DNAH1: variants seen among roughly 807,000 people sequenced by gnomAD.
DNAH1 encodes dynein axonemal heavy chain 1, also known as axonemal beta dynein heavy chain 1.
In DNAH1, 327 loss-of-function variants were observed where a neutral mutation model predicts 484.3. The observed-to-expected ratio is 0.68, with a 90% CI of 0.62 to 0.74. The LOEUF (loss-of-function observed/expected upper bound fraction) is 0.74. Ranked by LOEUF, DNAH1 falls within the 30% of genes least tolerant of loss-of-function variation. DNAH1 has a pLI of 0.00. For missense variants in DNAH1, 5,052 were observed against 5,546.8 expected, an observed-to-expected ratio of 0.91 and a Z score of 2.83; for synonymous variants, 2,192 against 2,191.9, an observed-to-expected ratio of 1.00 and a Z score of 0.00.
At position 52,381,169 on chromosome 3, in the gene DNAH1, TG is replaced by T. The variant is rs1416954304; in HGVS notation, c.7609-469del. Among the ~76,000 whole-genome samples the T allele has an allele frequency of 3.3e-5, 5 of 152,184 alleles. No homozygotes were observed. The highest frequency in any genetic ancestry group is 5.9e-5 in the Non-Finnish European group (4 of 68,018). ...AGGCTGGAGGGCAGTGGCATGAACT[TG>T]GCTTACTGCAGCCTCTACCTCATGG... On this transcript the variant is annotated intron_variant, in intron 48 of 77. Coordinates refer to ENST00000420323, the MANE Select transcript of DNAH1 (RefSeq NM_015512.5). This position sits in a 1 kb window ranked among gnomAD's most constrained non-coding sequence, Gnocchi z 4.1.
In DNAH1 at chr3:52,354,890, A is replaced by T. The variant is rs1578129735; in HGVS notation, c.3528A>T (p.Val1176=). ...AGTGGTCGACCATCCTGTTCAATGT[A>T]CTGCCCTACAAGGCGACAGACACCT... is the stretch of plus-strand genomic sequence containing the variant. ...EKEWSTILFN[V]LPYKATDTYI... Residue 1176 remains valine (V), a synonymous_variant, in exon 21 of 78, where the codon GTA becomes GTT. Coordinates refer to ENST00000420323, the MANE Select transcript of DNAH1 (RefSeq NM_015512.5). 1.2e-6 allele frequency: 2 copies of T among 1,613,932 alleles called. No individual in the cohort carries two copies. The highest frequency in any genetic ancestry group is 4.5e-5 in the East Asian group (2 of 44,876).
chr3:52,337,591 A>G (rs1701781236), intron 8 of DNAH1, among the ~76,000 whole-genome samples: 1 of 152,178 alleles, frequency 6.6e-6, no homozygotes, highest in African/African-American at 2.4e-5. Context: ...ATTGCTTCAT[A>G]TTATAATCAT....
chr3:52,349,447 T>A, intron 14 of DNAH1, 27 bp downstream of exon 14: 1 of 1,599,476 alleles, frequency 6.3e-7, no homozygotes, highest in South Asian at 1.1e-5. Context: ...CCCGCCTCAG[T>A]GACCACAGCA....
chr3:52,369,886 G>T lies in DNAH1; in HGVS notation c.6005G>T (p.Arg2002Leu). 1 of 1,613,954 alleles carries T rather than the reference G, an allele frequency of 6.2e-7. No homozygotes were observed. Among genetic ancestry groups the T allele is most frequent in the African/African-American group, 1.3e-5 (1 of 75,060 alleles). Residue 2002 changes from arginine (R) to leucine (L), a missense_variant, in exon 38 of 78, where the codon CGC becomes CTC. Around this residue, in one of 4 missense-constraint regions of DNAH1, gnomAD observed 2,929 missense variants for 3,409.4 expected, o/e 0.86. Transcript: ENST00000420323. The part of the protein sequence containing the change: ...LAVASPATVS[R>L]CGMVYLEPSI... ...GTGGCTTCACCAGCTACAGTCTCCC[G>T]CTGTGGCATGGTGTACCTGGAGCCC...
At position 52,384,048 on chromosome 3, in the gene DNAH1, A is replaced by G; in HGVS notation, c.8322+17A>G. 3 of 1,583,164 alleles carry G rather than the reference A, an allele frequency of 1.9e-6. No homozygotes were observed. The highest frequency in any genetic ancestry group is 2.6e-6 in the Non-Finnish European group (3 of 1,162,540). On this transcript the variant is annotated intron_variant, in intron 52 of 77. Transcript: ENST00000420323. ...CAAGGACTGGTGGGTGTCTTGCTGA[A>G]GCTCAGGCCCTTGGGGAGACCTGTT...
intron 1 of DNAH1, among the ~76,000 whole-genome samples, chr3:52,320,800 CTTTTT>C (rs556409465): frequency 1.6e-5 from 2 of 125,062 alleles, no homozygotes; most frequent in African/African-American, 3.3e-5. Flanking sequence ...TCTTTCTTTC[CTTTTT>C]TTTTTTTTTT....
Position 52,395,273 on chromosome 3 carries a change from C to G in DNAH1, c.10969-35C>G, listed in dbSNP as rs1409389894. 6.2e-7 allele frequency: 1 copy of G among 1,605,126 alleles called. No individual in the cohort carries two copies. Among genetic ancestry groups the G allele is most frequent in the African/African-American group, 1.3e-5 (1 of 74,836 alleles). On this transcript the variant is annotated intron_variant, in intron 68 of 77. Transcript: ENST00000420323. The surrounding 1 kb of genome is among the most constrained non-coding windows in gnomAD (Gnocchi z 4.4). ...CCCTTGCCCCGATCTCTCTGCAGCC[C>G]CAGGTGGTCTCAGCATCTCCCCCTG...
At chr3:52,357,871 G>T in intron 23 of DNAH1, 27 bp from the exon 24 acceptor site, 4 of 1,604,854 alleles carry the variant, frequency 2.5e-6, no homozygotes, top group Middle Eastern at 1.7e-4. Context: ...TGCACGACCC[G>T]CTTCCTCACC....
Position 52,389,597 on chromosome 3 carries a change from CAGGGGCAGGAG to C in DNAH1, c.9621+12_9621+22del, listed in dbSNP as rs1704281706. The C allele has an allele frequency of 6.9e-7, 1 of 1,457,554 alleles. No individual in the cohort carries two copies. Among genetic ancestry groups the C allele is most frequent in the African/African-American group, 1.5e-5 (1 of 67,824 alleles). 90.3% of individuals were successfully genotyped at this position (1,457,554 alleles called of 1,614,324 possible). A position where few individuals can be genotyped will look rare whatever the true frequency, so the allele number is the denominator to read the frequency against. On this transcript the variant is annotated intron_variant, in intron 60 of 77. Transcript: ENST00000420323. ...ATCCGATCGTGGCAGGTGCCCACCC[CAGGGGCAGGAG>C]TGCCCAGGCAGGGCCTGTGGTGTGG...
Position 52,395,584 on chromosome 3 carries a change from A to AG in DNAH1, c.11166dup (p.Arg3723GlufsTer62). 6.2e-7 allele frequency: 1 copy of AG among 1,613,814 alleles called. No individual in the cohort carries two copies. The highest frequency in any genetic ancestry group is 8.5e-7 in the Non-Finnish European group (1 of 1,179,894). ...GAAGCCATGATGCGCAGCTCCATAG[A>AG]GAGGGGCAAATGGGTCTTCTTCCAG... On this transcript the variant is annotated frameshift_variant, in exon 70 of 78. Transcript: ENST00000420323. LOFTEE classifies it high-confidence loss of function. This position sits in a 1 kb window ranked among gnomAD's most constrained non-coding sequence, Gnocchi z 4.4.
chr3:52,363,820 A>G (rs923709087), intron 32 of DNAH1, among the ~76,000 whole-genome samples: 1 of 152,216 alleles, frequency 6.6e-6, no homozygotes, highest in Non-Finnish European at 1.5e-5. Flanking sequence ...GGTAATCAGT[A>G]CTACCTTTGG....
intron 56 of DNAH1, among the ~76,000 whole-genome samples, chr3:52,387,613 C>A (rs907679934): frequency 6.6e-6 from 1 of 152,234 alleles, no homozygotes; most frequent in East Asian, 1.9e-4. Context: ...CTAATCAAGT[C>A]CCTCTGAGAG....
chr3:52,366,589 G>A lies in DNAH1; in HGVS notation c.5610+41G>A, dbSNP rs543314522. On this transcript the variant is annotated intron_variant, in intron 35 of 77. Coordinates refer to ENST00000420323, the MANE Select transcript of DNAH1 (RefSeq NM_015512.5). ...CTTGGCAGCCAGTGTCCGGATAGTG[G>A]GCCTGTAGGGGGGTGCAGCTTCAAC... The A allele has an allele frequency of 1.9e-5, 29 of 1,564,972 alleles. No homozygotes were observed. The East Asian group carries it at 6.7e-4, about 36-fold the overall frequency.
rs1336894330 is a variant in DNAH1 at position 52,364,464 on chromosome 3, A to C, written c.5245-174A>C. Among the ~76,000 whole-genome samples the C allele has an allele frequency of 6.6e-6, 1 of 152,202 alleles. No homozygotes were observed. The highest frequency in any genetic ancestry group is 1.5e-5 in the Non-Finnish European group (1 of 68,028). On this transcript the variant is annotated intron_variant, in intron 32 of 77. Coordinates refer to ENST00000420323, the MANE Select transcript of DNAH1 (RefSeq NM_015512.5). The surrounding 1 kb of genome is among the most constrained non-coding windows in gnomAD (Gnocchi z 4.2). ...AAGTGCAGGGTGCCCGGGGAGCCCA[A>C]AGAAGGTGCACCTGCCCAGGCTGGG... is the stretch of plus-strand genomic sequence containing the variant.
chr3:52,365,439 C>T (rs1703033625), intron 34 of DNAH1, among the ~76,000 whole-genome samples: 1 of 152,226 alleles, frequency 6.6e-6, no homozygotes. Context: ...GACTTGCCCA[C>T]GTTCCTTGTT....
In DNAH1 at chr3:52,388,153, G is replaced by A. The variant is rs376576350; in HGVS notation, c.9004-14G>A. On this transcript the variant is annotated splice_polypyrimidine_tract_variant and intron_variant, in intron 56 of 77. Transcript: ENST00000420323. ...TGAGAAGCAGCCTCTTGAGACCCAG[G>A]CTTCCCACCTCAGGACAACATTGGG... The A allele has an allele frequency of 5.6e-6, 9 of 1,603,834 alleles. No individual in the cohort carries two copies. The highest frequency in any genetic ancestry group is 1.7e-5 in the Admixed American group (1 of 58,608).
At chr3:52,370,067 C>T (rs752485158) in intron 38 of DNAH1, 43 bp from the exon 39 acceptor site, 1 of 1,613,758 alleles carries the variant, frequency 6.2e-7, no homozygotes, top group Non-Finnish European at 8.5e-7. Flanking sequence ...CAGCAGGGCA[C>T]TGTGGCTGCC....
Position 52,345,513 on chromosome 3 carries a change from A to G in DNAH1, c.1463A>G (p.Lys488Arg). 1.3e-6 allele frequency: 2 copies of G among 1,569,204 alleles called. No individual in the cohort carries two copies. The highest frequency in any genetic ancestry group is 1.7e-6 in the Non-Finnish European group (2 of 1,156,396). The change falls in exon 10 of 78, where the codon AAG becomes AGG. Residue 488 changes from lysine (K) to arginine (R), a missense_variant. Lys to Arg is a conservative substitution (Grantham distance 26, BLOSUM62 2). Transcript: ENST00000420323. ...CCTGCAGGGCTGGTGAGTGTCCCCAAGTACCACTTCTGGGAGCAGAAGGAG... is the reference window on the plus strand; with the variant it reads ...CCTGCAGGGCTGGTGAGTGTCCCCAGGTACCACTTCTGGGAGCAGAAGGAG... ...VPERGLVSVPKYHFWEQKEDF... is the reference protein window; with the variant it reads ...VPERGLVSVPRYHFWEQKEDF...
intron 63 of DNAH1, 59 bp downstream of exon 63, chr3:52,391,662 C>T: frequency 1.3e-6 from 2 of 1,596,528 alleles, no homozygotes; most frequent in Non-Finnish European, 1.7e-6. Context: ...TGCCCAGCTG[C>T]TCCTCTCCCA....
Sources: allele counts gnomAD v4.1 joint callset (sites outside exome capture counted in the v4.1 genomes callset), GRCh38; gene constraint gnomAD v4.1.1; regional missense constraint gnomAD v4.1.1; non-coding constraint Gnocchi (gnomAD v3.1); transcripts MANE v1.5; gene names NCBI Gene and HGNC (gene_info 2026-07-23, HGNC 2026-07-21).